PRNP: variants seen among roughly 807,000 people sequenced by gnomAD.
PRNP encodes the protein prion protein (Kanno blood group), also known as major prion protein.
Under a neutral mutation model 21.3 loss-of-function variants are expected in PRNP, and 15 were observed. The ratio of observed to expected loss-of-function variants is 0.71; its 90% CI spans 0.47 to 1.09. PRNP has a LOEUF of 1.09. Ranked by LOEUF, PRNP falls within the 50% of genes least tolerant of loss-of-function variation. The probability of loss-of-function intolerance (pLI) is 0.00; values close to 1 mark genes in which losing one functional copy is unlikely to be tolerated. For synonymous variants in PRNP, 121 were observed against 123.1 expected (o/e 0.98, Z 0.11); for missense variants, 285 against 340.9 (o/e 0.84, Z 1.29).
rs997516231 is a variant in PRNP, at chr20:4,697,739, G to A, written c.-10-1472G>A. Among the ~76,000 whole-genome samples, 1 of 152,210 alleles carries A rather than the reference G, an allele frequency of 6.6e-6. No individual in the cohort carries two copies. Among genetic ancestry groups the A allele is most frequent in the Admixed American group, 6.5e-5 (1 of 15,276 alleles). On this transcript the variant is annotated intron_variant, in intron 1 of 1. Coordinates refer to ENST00000379440, the MANE Select transcript of PRNP (RefSeq NM_000311.5). This position sits in a 1 kb window ranked among gnomAD's most constrained non-coding sequence, Gnocchi z 4.6. ...CATGATGTGACCCGCATATTAAGAG[G>A]AGAGCGCTCAATGGCAGCCAGGGGA...
At chr20:4,687,638 A>G (rs899991103) in intron 1 of PRNP, among the ~76,000 whole-genome samples, 2 of 152,134 alleles carry the variant, frequency 1.3e-5, no homozygotes, top group African/African-American at 4.8e-5. Flanking sequence ...CATCCTCGCC[A>G]TCGCAGAGCC....
chr20:4,700,105 T>G lies in PRNP; in HGVS notation c.*123T>G. ...TCTTCTCTCTTTGTCCCGGATAGGC[T>G]AATCAATACCCTTGGCACTGATGGG... On this transcript the variant is annotated 3_prime_UTR_variant, in exon 2 of 2. Coordinates refer to ENST00000379440, the MANE Select transcript of PRNP (RefSeq NM_000311.5). The surrounding 1 kb of genome is among the most constrained non-coding windows in gnomAD (Gnocchi z 4.1). 6.5e-7 allele frequency: 1 copy of G among 1,550,060 alleles called. No homozygotes were observed. The highest frequency in any genetic ancestry group is 1.2e-5 in the South Asian group (1 of 83,236).
At position 4,700,150 on chromosome 20, in the gene PRNP, G is replaced by T. The variant is rs1009024719; in HGVS notation, c.*168G>T. The T allele has an allele frequency of 6.5e-7, 1 of 1,544,702 alleles. No homozygotes were observed. Among genetic ancestry groups the T allele is most frequent in the Non-Finnish European group, 8.7e-7 (1 of 1,142,942 alleles). On this transcript the variant is annotated 3_prime_UTR_variant, in exon 2 of 2. Coordinates refer to ENST00000379440, the MANE Select transcript of PRNP (RefSeq NM_000311.5). The surrounding 1 kb of genome is among the most constrained non-coding windows in gnomAD (Gnocchi z 4.1). ...GATGGGCACTGGAAAACATAGAGTA[G>T]ACCTGAGATGCTGGTCAAGCCCCCT...
At position 4,700,446 on chromosome 20, in the gene PRNP, G is replaced by T; in HGVS notation, c.*464G>T. On this transcript the variant is annotated 3_prime_UTR_variant, in exon 2 of 2. Transcript: ENST00000379440. The surrounding 1 kb of genome is among the most constrained non-coding windows in gnomAD (Gnocchi z 4.1). ...AGAAAACCCGACAACATTTCTGCCAGGTTTGTTAGGAGGCCACATGATACT... is the reference window on the plus strand; with the variant it reads ...AGAAAACCCGACAACATTTCTGCCATGTTTGTTAGGAGGCCACATGATACT... 1 of 332,708 alleles carries T rather than the reference G, an allele frequency of 3.0e-6. No individual in the cohort carries two copies. Among genetic ancestry groups the T allele is most frequent in the Non-Finnish European group, 6.2e-6 (1 of 162,266 alleles). 20.6% of individuals were successfully genotyped at this position (332,708 alleles called of 1,614,324 possible).
In PRNP at chr20:4,699,104, C is replaced by A; in HGVS notation, c.-10-107C>A. ...GAAGTACAGGGTGGCAACAGTGTTT[C>A]TACTGAGCAGCTGATACCATTGCTA... On this transcript the variant is annotated intron_variant, in intron 1 of 1. Transcript: ENST00000379440. This position sits in a 1 kb window ranked among gnomAD's most constrained non-coding sequence, Gnocchi z 5.8. 1 of 1,372,526 alleles carries A rather than the reference C, an allele frequency of 7.3e-7. No homozygotes were observed. The highest frequency in any genetic ancestry group is 1.0e-6 in the Non-Finnish European group (1 of 970,164). 85.0% of individuals were successfully genotyped at this position (1,372,526 alleles called of 1,614,324 possible). A position where few individuals can be genotyped will look rare whatever the true frequency, so the allele number is the denominator to read the frequency against.
chr20:4,699,496 A>T lies in PRNP; in HGVS notation c.276A>T (p.Gly92=). 1.2e-6 allele frequency: 2 copies of T among 1,613,572 alleles called. No individual in the cohort carries two copies. Among genetic ancestry groups the T allele is most frequent in the African/African-American group, 1.3e-5 (1 of 74,832 alleles). Residue 92 remains glycine (G), a synonymous_variant, in exon 2 of 2, where the codon GGA becomes GGT. Transcript: ENST00000379440. This position sits in a 1 kb window ranked among gnomAD's most constrained non-coding sequence, Gnocchi z 5.8. ...GQPHGGGWGQ[G]GGTHSQWNKP... is the part of the protein sequence containing the mutation. ...CTCATGGTGGTGGCTGGGGTCAAGG[A>T]GGTGGCACCCACAGTCAGTGGAACA...
chr20:4,690,108 C>T (rs1475941811), intron 1 of PRNP, among the ~76,000 whole-genome samples: 1 of 152,112 alleles, frequency 6.6e-6, no homozygotes, highest in Non-Finnish European at 1.5e-5. Flanking sequence ...TTTGTGGTTT[C>T]TAGGTGCCAG....
At chr20:4,696,558 A>G (rs1922181775) in intron 1 of PRNP, among the ~76,000 whole-genome samples, 1 of 152,186 alleles carries the variant, frequency 6.6e-6, no homozygotes, top group African/African-American at 2.4e-5. Context: ...CACTAATTGC[A>G]AATAGTGTCA....
chr20:4,689,706 C>T (rs1296539540), intron 1 of PRNP, among the ~76,000 whole-genome samples: 1 of 152,166 alleles, frequency 6.6e-6, no homozygotes, highest in African/African-American at 2.4e-5. Flanking sequence ...TGTATCTAAC[C>T]CAGTGATGGC....
At chr20:4,688,084 A>T (rs940260430) in intron 1 of PRNP, among the ~76,000 whole-genome samples, 1 of 152,260 alleles carries the variant, frequency 6.6e-6, no homozygotes, top group African/African-American at 2.4e-5. Flanking sequence ...TATATCTAAC[A>T]CAAGTCTTCC....
rs1051132418 is a variant in PRNP, at chr20:4,697,869, T to A, written c.-10-1342T>A. Among the ~76,000 whole-genome samples, 5 of 152,030 alleles carry A rather than the reference T, an allele frequency of 3.3e-5. No homozygotes were observed. The highest frequency in any genetic ancestry group is 4.1e-4 in the South Asian group (2 of 4,824). On this transcript the variant is annotated intron_variant, in intron 1 of 1. Coordinates refer to ENST00000379440, the MANE Select transcript of PRNP (RefSeq NM_000311.5). The surrounding 1 kb of genome is among the most constrained non-coding windows in gnomAD (Gnocchi z 4.6). ...GGAAAAATTGAGAAGCTGAGGTGCT[T>A]AGCATTGATTTTCAAGGTAGAGCTA...
In PRNP at chr20:4,699,301, G is replaced by A. The variant is rs1156934207; in HGVS notation, c.81G>A (p.Lys27=). 6.2e-7 allele frequency: 1 copy of A among 1,614,122 alleles called. No homozygotes were observed. Among genetic ancestry groups the A allele is most frequent in the Non-Finnish European group, 8.5e-7 (1 of 1,180,046 alleles). ...SDLGLCKKRP[K]PGGWNTGGSR... is the part of the protein sequence containing the mutation. The stretch of plus-strand genomic sequence containing the variant: ...TGGGCCTCTGCAAGAAGCGCCCGAA[G>A]CCTGGAGGATGGAACACTGGGGGCA... The change falls in exon 2 of 2, where the codon AAG becomes AAA. Residue 27 remains lysine (K), a synonymous_variant. Coordinates refer to ENST00000379440, the MANE Select transcript of PRNP (RefSeq NM_000311.5). This position sits in a 1 kb window ranked among gnomAD's most constrained non-coding sequence, Gnocchi z 5.8.
chr20:4,696,301 C>A (rs535094212), intron 1 of PRNP, among the ~76,000 whole-genome samples: 1 of 152,076 alleles, frequency 6.6e-6, no homozygotes, highest in South Asian at 2.1e-4. Context: ...TTTTTTCAGA[C>A]CATCTTCTGT....
intron 1 of PRNP, among the ~76,000 whole-genome samples, chr20:4,692,525 TATG>T (rs1228315710): frequency 3.7e-4 from 57 of 152,320 alleles, no homozygotes; most frequent in African/African-American, 1.3e-3. Context: ...CTCTTAAAAT[TATG>T]ATATCTTGGG....
chr20:4,690,998 C>T (rs1921792962), intron 1 of PRNP, among the ~76,000 whole-genome samples: 1 of 152,148 alleles, frequency 6.6e-6, no homozygotes, highest in Non-Finnish European at 1.5e-5. Flanking sequence ...ATACAAAAAT[C>T]AGTAGTGTTT....
At chr20:4,695,963 A>T (rs976916826) in intron 1 of PRNP, among the ~76,000 whole-genome samples, 1 of 152,154 alleles carries the variant, frequency 6.6e-6, no homozygotes, top group African/African-American at 2.4e-5. Context: ...AAGTGTATCT[A>T]CGTGGGTTTC....
At position 4,697,500 on chromosome 20, in the gene PRNP, C is replaced by G. The variant is rs1420429955; in HGVS notation, c.-10-1711C>G. On this transcript the variant is annotated intron_variant, in intron 1 of 1. Transcript: ENST00000379440. This position sits in a 1 kb window ranked among gnomAD's most constrained non-coding sequence, Gnocchi z 4.6. ...TTTAGGTAGAGTGATGGGAACAGCC[C>G]CACTGAGCAAACTTTAGCCACATGA... 6.6e-6 allele frequency among the ~76,000 whole-genome samples: 1 copy of G among 152,120 alleles called. No individual in the cohort carries two copies. The highest frequency in any genetic ancestry group is 1.5e-5 in the Non-Finnish European group (1 of 68,024).
intron 1 of PRNP, among the ~76,000 whole-genome samples, chr20:4,687,299 T>G (rs940486860): frequency 1.3e-5 from 2 of 152,000 alleles, no homozygotes; most frequent in African/African-American, 4.8e-5. Flanking sequence ...CCCTCTGTTC[T>G]CCAGGGGCGG....
At chr20:4,695,415 A>G (rs1922106114) in intron 1 of PRNP, among the ~76,000 whole-genome samples, 1 of 152,098 alleles carries the variant, frequency 6.6e-6, no homozygotes, top group African/African-American at 2.4e-5. Context: ...GTCAGTTTGC[A>G]TATCCCTGCA....
Sources: gnomAD v4.1 joint callset for allele counts (sites outside exome capture counted in the v4.1 genomes callset) on GRCh38, gnomAD v4.1.1 for gene constraint, Gnocchi (gnomAD v3.1) non-coding constraint, MANE v1.5 for transcripts, NCBI Gene and HGNC (gene_info 2026-07-23, HGNC 2026-07-21) for gene names.